The following CUL5 variants were observed in gnomAD, a reference collection of about 807,000 sequenced individuals.
CUL5 encodes cullin 5, also known as cullin-5.
CUL5 carries 26 observed loss-of-function variants against 108.8 expected under a neutral mutation model. The ratio of observed to expected loss-of-function variants is 0.24; its 90% confidence interval spans 0.18 to 0.33. The LOEUF (loss-of-function observed/expected upper bound fraction) is 0.33, where lower values mean the gene tolerates loss of function less well. Ranked by LOEUF, CUL5 falls within the 10% of genes least tolerant of loss-of-function variation. The pLI is 1.00. For missense variants in CUL5, 524 were observed against 909.2 expected (o/e 0.58, Z 5.45); for synonymous variants, 334 against 298.0 (o/e 1.12, Z -1.25).
intron 2 of CUL5, 94 bp downstream of exon 2, chr11:108,034,005 G>A: frequency 1.3e-6 from 1 of 754,822 alleles, no homozygotes; most frequent in South Asian, 1.6e-5. Context: ...AAGTTTATCT[G>A]TTTACCTATT....
intron 11 of CUL5, 94 bp from the exon 12 acceptor site, chr11:108,088,433 C>A: frequency 1.5e-6 from 2 of 1,324,262 alleles, no homozygotes; most frequent in South Asian, 1.4e-5. Context: ...GATTATTTAA[C>A]ATGAGAAATT....
At chr11:108,057,830 A>G (rs1478503622) in intron 7 of CUL5, among the ~76,000 whole-genome samples, 3 of 152,204 alleles carry the variant, frequency 2.0e-5, no homozygotes, top group African/African-American at 2.4e-5. Flanking sequence ...GTTGTACTAT[A>G]GTTATGTAAG....
At chr11:108,040,258 T>C (rs1360026008) in intron 2 of CUL5, among the ~76,000 whole-genome samples, 1 of 152,162 alleles carries the variant, frequency 6.6e-6, no homozygotes, top group Admixed American at 6.5e-5. Context: ...GGCTGGAGGA[T>C]TGCTTGAGGC....
At chr11:108,073,104 A>T (rs983514113) in intron 9 of CUL5, among the ~76,000 whole-genome samples, 7 of 151,778 alleles carry the variant, frequency 4.6e-5, no homozygotes, top group Non-Finnish European at 8.8e-5. Context: ...TGGGAGGGTG[A>T]GGCAGGAGAA....
intron 16 of CUL5, among the ~76,000 whole-genome samples, chr11:108,097,048 T>C (rs1864519933): frequency 6.6e-6 from 1 of 151,962 alleles, no homozygotes; most frequent in South Asian, 2.1e-4. Context: ...GACAGAGTCT[T>C]GCTCTGTCCT....
At chr11:108,095,793 T>C in intron 16 of CUL5, 102 bp downstream of exon 16, 1 of 1,122,184 alleles carries the variant, frequency 8.9e-7, no homozygotes. Flanking sequence ...AGTTTCAGAA[T>C]GTCTTATCAA....
intron 15 of CUL5, among the ~76,000 whole-genome samples, chr11:108,095,212 T>C (rs1302582370): frequency 6.6e-6 from 1 of 152,184 alleles, no homozygotes; most frequent in Non-Finnish European, 1.5e-5. Flanking sequence ...ATCCCAACTA[T>C]CTCAGTATTC....
At position 108,104,204 on chromosome 11, in the gene CUL5, A is replaced by G. The variant is rs1864736281; in HGVS notation, c.2163A>G (p.Gln721=). Residue 721 remains glutamine, a synonymous_variant, in exon 19 of 19, where the codon CAA becomes CAG. Coordinates refer to ENST00000393094, the MANE Select transcript of CUL5 (RefSeq NM_003478.6). The part of the protein sequence containing the change: ...RILRTQEAII[Q]IMKMRKKISN... Reference sequence around the variant, plus strand: ...TTTTCTTTTAGGAAGCTATCATACAAATAATGAAAATGAGAAAGAAAATTA... The same window carrying G: ...TTTTCTTTTAGGAAGCTATCATACAGATAATGAAAATGAGAAAGAAAATTA... The G allele has an allele frequency of 6.4e-7, 1 of 1,572,334 alleles. No individual in the cohort carries two copies. The highest frequency in any genetic ancestry group is 2.0e-5 in the Admixed American group (1 of 50,596).
intron 8 of CUL5, among the ~76,000 whole-genome samples, chr11:108,071,398 G>C (rs1863817195): frequency 6.6e-6 from 1 of 151,670 alleles, no homozygotes; most frequent in Non-Finnish European, 1.5e-5. Flanking sequence ...GAGTAGCTGG[G>C]ACTACAGCCG....
chr11:108,094,005 A>G (rs1864425314), intron 13 of CUL5, among the ~76,000 whole-genome samples: 1 of 152,256 alleles, frequency 6.6e-6, no homozygotes, highest in South Asian at 2.1e-4. Context: ...TAGATTTTGA[A>G]AGAAGTATTG....
chr11:108,034,479 C>T (rs1862676532), intron 2 of CUL5, among the ~76,000 whole-genome samples: 1 of 152,122 alleles, frequency 6.6e-6, no homozygotes, highest in Admixed American at 6.6e-5. Flanking sequence ...TCTCAGATGC[C>T]AGCCAAAGGC....
intron 7 of CUL5, among the ~76,000 whole-genome samples, 195 bp downstream of exon 7, chr11:108,055,150 A>G (rs1181291886): frequency 1.3e-5 from 2 of 152,350 alleles, no homozygotes; most frequent in East Asian, 3.9e-4. Flanking sequence ...TGGAGCTGGT[A>G]TGCAAGATCA....
chr11:108,052,974 A>G (rs1286263477), intron 5 of CUL5, among the ~76,000 whole-genome samples, 173 bp downstream of exon 5: 1 of 152,218 alleles, frequency 6.6e-6, no homozygotes, highest in Non-Finnish European at 1.5e-5. Flanking sequence ...AGAATGTATA[A>G]AAATTCATAT....
At chr11:108,050,238 ATCT>A (rs763163140) in intron 4 of CUL5, among the ~76,000 whole-genome samples, 172 bp downstream of exon 4, 4 of 151,936 alleles carry the variant, frequency 2.6e-5, no homozygotes, top group South Asian at 2.1e-4. Flanking sequence ...TTTAGCTTCA[ATCT>A]TCTTTCATCT....
chr11:108,022,821 C>T (rs982368346), intron 1 of CUL5, among the ~76,000 whole-genome samples: 2 of 152,158 alleles, frequency 1.3e-5, no homozygotes, highest in African/African-American at 4.8e-5. Flanking sequence ...CACTGCACTC[C>T]AGCCTAGGTG....
At chr11:108,053,468 C>G (rs1005756298) in intron 5 of CUL5, among the ~76,000 whole-genome samples, 1 of 152,030 alleles carries the variant, frequency 6.6e-6, no homozygotes. Context: ...TTTTAGTTAT[C>G]AAGCCTTTAG....
At chr11:108,011,772 C>T (rs932936170) in intron 1 of CUL5, among the ~76,000 whole-genome samples, 3 of 152,066 alleles carry the variant, frequency 2.0e-5, no homozygotes, top group Non-Finnish European at 2.9e-5. Flanking sequence ...GGACTACAGG[C>T]GCACGCCACC....
At chr11:108,041,030 G>T (rs929779148) in intron 2 of CUL5, among the ~76,000 whole-genome samples, 1 of 152,098 alleles carries the variant, frequency 6.6e-6, no homozygotes, top group Non-Finnish European at 1.5e-5. Flanking sequence ...AGTACGGCAG[G>T]GTTACAAAGG....
chr11:108,099,205 A>G (rs1000086924), intron 18 of CUL5, among the ~76,000 whole-genome samples: 1 of 151,996 alleles, frequency 6.6e-6, no homozygotes, highest in Non-Finnish European at 1.5e-5. Flanking sequence ...GGGTTTTGCC[A>G]TGTTGCCCAG....
Sources: gnomAD v4.1 joint callset for allele counts (sites outside exome capture counted in the v4.1 genomes callset) on GRCh38, gnomAD v4.1.1 for gene constraint, MANE v1.5 for transcripts, NCBI Gene and HGNC (gene_info 2026-07-23, HGNC 2026-07-21) for gene names.